Variants in BMP7 observed in about 807,000 individuals in gnomAD.
The protein encoded by BMP7 is osteogenic protein 1.
A neutral mutation model predicts 41.2 loss-of-function variants in BMP7; 12 were observed. The ratio of observed to expected loss-of-function variants is 0.29; its 90% CI spans 0.19 to 0.47. The LOEUF is 0.47. Among genes scored for constraint, BMP7 ranks in the 20% least tolerant of loss-of-function variants. The probability of loss-of-function intolerance (pLI) is 0.99; values close to 1 mark genes in which losing one functional copy is unlikely to be tolerated. For missense variants in BMP7, 467 were observed against 606.0 expected, an observed-to-expected ratio of 0.77 and a Z score of 2.41; for synonymous variants, 248 against 250.0, an observed-to-expected ratio of 0.99 and a Z score of 0.07.
intron 1 of BMP7, among the ~76,000 whole-genome samples, chr20:57,244,352 G>A (rs948755630): frequency 4.6e-5 from 7 of 152,210 alleles, no homozygotes; most frequent in Admixed American, 1.3e-4. Context: ...GCTTAGCACT[G>A]TTCACACACC....
chr20:57,198,491 C>G (rs967372427), intron 3 of BMP7, among the ~76,000 whole-genome samples: 1 of 152,238 alleles, frequency 6.6e-6, no homozygotes, highest in African/African-American at 2.4e-5. Flanking sequence ...GCTCCCCGCT[C>G]GGCCTCCTCC....
intron 1 of BMP7, among the ~76,000 whole-genome samples, chr20:57,230,095 G>C (rs1418033115): frequency 1.3e-5 from 2 of 152,120 alleles, no homozygotes; most frequent in Non-Finnish European, 2.9e-5. Flanking sequence ...CTAGAATCCT[G>C]GGCCATATAT....
At chr20:57,209,249 T>TTTA (rs1407204884) in intron 2 of BMP7, among the ~76,000 whole-genome samples, 9 of 94,876 alleles carry the variant, frequency 9.5e-5, no homozygotes, top group South Asian at 4.0e-4. Flanking sequence ...TTATATATTT[T>TTTA]TATATATATA....
At position 57,170,407 on chromosome 20, in the gene BMP7, A is replaced by G. The variant is rs956479502; in HGVS notation, c.*552T>C. On this transcript the variant is annotated 3_prime_UTR_variant, in exon 7 of 7. Coordinates refer to ENST00000395863, the MANE Select transcript of BMP7 (RefSeq NM_001719.3). ...ATGGAGAGGGACCTCCCCGCCCTCC[A>G]CTTGACACAGCTTCTGTTTACGCAT... is the stretch of plus-strand genomic sequence containing the variant. 1 of 197,378 alleles carries G rather than the reference A, an allele frequency of 5.1e-6. No homozygotes were observed. The highest frequency in any genetic ancestry group is 1.1e-5 in the Non-Finnish European group (1 of 94,894). 12.2% of individuals were successfully genotyped at this position (197,378 alleles called of 1,614,324 possible). A position where few individuals can be genotyped will look rare whatever the true frequency, so the allele number is the denominator to read the frequency against.
intron 1 of BMP7, among the ~76,000 whole-genome samples, chr20:57,257,972 G>A (rs1365940382): frequency 2.0e-5 from 3 of 152,008 alleles, no homozygotes; most frequent in African/African-American, 7.3e-5. Context: ...GAAAGCAGAA[G>A]ACAGGCTGGA....
intron 3 of BMP7, among the ~76,000 whole-genome samples, chr20:57,199,191 G>A (rs150149086): frequency 6.6e-6 from 1 of 152,250 alleles, no homozygotes; most frequent in Non-Finnish European, 1.5e-5. Context: ...GATGCACACC[G>A]CCTCCCACAG....
intron 1 of BMP7, among the ~76,000 whole-genome samples, chr20:57,245,335 G>A (rs1223599563): frequency 1.3e-5 from 2 of 151,698 alleles, no homozygotes; most frequent in East Asian, 1.9e-4. Context: ...CAAAAAAGTG[G>A]TGTTTTTTTT....
chr20:57,193,000 G>A (rs1292107228), intron 3 of BMP7, among the ~76,000 whole-genome samples: 2 of 152,086 alleles, frequency 1.3e-5, no homozygotes, highest in African/African-American at 4.8e-5. Flanking sequence ...AAGGGGCCCG[G>A]CCTACCTGAC....
chr20:57,252,686 C>T (rs115943303), intron 1 of BMP7, among the ~76,000 whole-genome samples: 168 of 152,274 alleles, frequency 1.1e-3, no homozygotes, highest in African/African-American at 3.6e-3. Flanking sequence ...GGAGAAGCCT[C>T]GAGTTTTGAT....
intron 2 of BMP7, among the ~76,000 whole-genome samples, chr20:57,221,595 T>C (rs552783230): frequency 6.6e-6 from 1 of 152,150 alleles, no homozygotes; most frequent in African/African-American, 2.4e-5. Context: ...GGAGAACAAC[T>C]TGAGGCCAAG....
intron 2 of BMP7, among the ~76,000 whole-genome samples, chr20:57,204,536 G>C (rs1347150521): frequency 1.3e-5 from 2 of 152,240 alleles, no homozygotes; most frequent in East Asian, 3.9e-4. Flanking sequence ...GACAGGAACC[G>C]AGGCAGGTGC....
chr20:57,217,085 G>A (rs1326547268), intron 2 of BMP7, among the ~76,000 whole-genome samples: 1 of 152,170 alleles, frequency 6.6e-6, no homozygotes, highest in Non-Finnish European at 1.5e-5. Context: ...GACTCAGCTG[G>A]AGAAAGCTTT....
chr20:57,225,713 T>C (rs978078086), intron 2 of BMP7: 3 of 262,208 alleles, frequency 1.1e-5, no homozygotes, highest in Non-Finnish European at 2.5e-5. Flanking sequence ...ATATATTTTT[T>C]AAATTTAACC....
chr20:57,262,732 C>G (rs781742548), intron 1 of BMP7, among the ~76,000 whole-genome samples: 1 of 152,160 alleles, frequency 6.6e-6, no homozygotes, highest in Admixed American at 6.5e-5. Flanking sequence ...ATGCCCCCCC[C>G]GCCAAACTCC....
intron 1 of BMP7, among the ~76,000 whole-genome samples, chr20:57,243,282 C>A (rs1431846046): frequency 6.6e-6 from 1 of 152,090 alleles, no homozygotes; most frequent in Non-Finnish European, 1.5e-5. Context: ...TCCGGGAGAC[C>A]AGCCTGGCTA....
intron 2 of BMP7, among the ~76,000 whole-genome samples, chr20:57,206,931 T>C (rs1350436173): frequency 1.3e-5 from 2 of 152,234 alleles, no homozygotes; most frequent in Admixed American, 6.5e-5. Context: ...AATGTTTACC[T>C]TGGACTCCAA....
intron 3 of BMP7, among the ~76,000 whole-genome samples, chr20:57,200,521 T>C (rs1017103717): frequency 6.6e-6 from 1 of 152,120 alleles, no homozygotes; most frequent in Non-Finnish European, 1.5e-5. Flanking sequence ...CTGGCGTCAA[T>C]TAAGACAAAA....
intron 2 of BMP7, among the ~76,000 whole-genome samples, chr20:57,217,640 G>A (rs1985064517): frequency 6.6e-6 from 1 of 152,176 alleles, no homozygotes; most frequent in Admixed American, 6.5e-5. Flanking sequence ...CAAACGCTGG[G>A]TGACTGTCAC....
chr20:57,204,321 T>C (rs1420291266), intron 2 of BMP7, among the ~76,000 whole-genome samples: 2 of 152,230 alleles, frequency 1.3e-5, no homozygotes, highest in African/African-American at 4.8e-5. Flanking sequence ...TCTTCCTGTC[T>C]GACCTGGACA....
Sources: gnomAD v4.1 joint callset for allele counts (sites outside exome capture counted in the v4.1 genomes callset) on GRCh38, gnomAD v4.1.1 for gene constraint, MANE v1.5 for transcripts, NCBI Gene and HGNC (gene_info 2026-07-23, HGNC 2026-07-21) for gene names.